MYO15B: variants seen among roughly 807,000 people sequenced by gnomAD.
MYO15B encodes myosin XVB.
Under a neutral mutation model 119.3 loss-of-function variants are expected in MYO15B, and 207 were observed. That is an observed-to-expected ratio of 1.73 (90% confidence interval 1.55 to 1.95). The LOEUF is 1.95. Among genes scored for constraint, MYO15B ranks in the 30% most tolerant of loss-of-function variants. MYO15B has a pLI of 0.00. For missense variants in MYO15B, 2,264 were observed against 1,203.1 expected, an observed-to-expected ratio of 1.88 and a Z score of -13.04; for synonymous variants, 966 against 498.9, an observed-to-expected ratio of 1.94 and a Z score of -12.48.
intron 14 of MYO15B, 121 bp from the exon 15 acceptor site, chr17:75,601,315 GGA>G: frequency 1.7e-6 from 1 of 590,988 alleles, no homozygotes; most frequent in South Asian, 2.0e-5. Flanking sequence ...CTTGTTTTGG[GGA>G]ACAAAGCCAA....
At position 75,607,465 on chromosome 17, in the gene MYO15B, A is replaced by T. The variant is rs886825495; in HGVS notation, c.4292+1444A>T. Among the ~76,000 whole-genome samples, 12 of 115,428 alleles carry T rather than the reference A, an allele frequency of 1.0e-4. 1 individual carries two copies. Among genetic ancestry groups the T allele is most frequent in the African/African-American group, 3.7e-4 (12 of 32,264 alleles). 75.7% of individuals were successfully genotyped at this position (115,428 alleles called of 152,430 possible). ...TATTATTATTATTATTATTATTATT[A>T]TTTGAGATGGAGTCTTGCTCTGTTG... On this transcript the variant is annotated intron_variant, in intron 21 of 63. Coordinates refer to ENST00000645453, the Ensembl canonical transcript of MYO15B.
exon 8 of MYO15B, chr17:75,592,441 G>A (rs937736882): frequency 1.5e-5 from 9 of 617,846 alleles, no homozygotes; most frequent in South Asian, 5.7e-5. Context: ...CAGGCTGAGC[G>A]GAGCTTCCAT....
intron 53 of MYO15B, 114 bp from the exon 54 acceptor site, chr17:75,623,667 G>A (rs2058834713): frequency 1.5e-6 from 1 of 655,130 alleles, no homozygotes; most frequent in African/African-American, 1.8e-5. Flanking sequence ...CTTAAGCTGA[G>A]AGAGACATCT....
intron 9 of MYO15B, among the ~76,000 whole-genome samples, chr17:75,593,221 G>A (rs1266422232): frequency 2.0e-5 from 2 of 98,222 alleles, no homozygotes; most frequent in Admixed American, 2.3e-4. Context: ...AAAAAAAAAA[G>A]GGTTGGCGGT....
chr17:75,606,630 C>T (rs895118056), intron 21 of MYO15B, among the ~76,000 whole-genome samples: 6 of 152,056 alleles, frequency 3.9e-5, no homozygotes, highest in South Asian at 2.1e-4. Flanking sequence ...TATGCCACCA[C>T]GCCTGGCTAA....
rs1008424715 is a variant in MYO15B, at chr17:75,603,081, A to G, written c.3891+4A>G. 25 of 703,070 alleles carry G rather than the reference A, an allele frequency of 3.6e-5. No individual in the cohort carries two copies. Among genetic ancestry groups the G allele is most frequent in the Non-Finnish European group, 5.7e-5 (22 of 385,028 alleles). The allele number at this position is 703,070 out of a possible 1,614,324, so 43.6% of individuals were successfully genotyped here. A position where few individuals can be genotyped will look rare whatever the true frequency, so the allele number is the denominator to read the frequency against. On this transcript the variant is annotated splice_donor_region_variant and intron_variant, in intron 18 of 63. Transcript: ENST00000645453. ...CCTCACCCCTAACCCTGGAAAGGTG[A>G]GCTCCCCAGCAACTGGCCTCAGGGC...
chr17:75,607,853 G>A (rs1001380578), intron 21 of MYO15B, among the ~76,000 whole-genome samples: 3 of 152,172 alleles, frequency 2.0e-5, no homozygotes, highest in African/African-American at 4.8e-5. Context: ...TTAACTTTCT[G>A]AGGAGCTGCC....
intron 49 of MYO15B, 90 bp from the exon 50 acceptor site, chr17:75,620,941 G>T: frequency 1.4e-6 from 1 of 702,608 alleles, no homozygotes; most frequent in South Asian, 1.5e-5. Context: ...TGCTCCTTTG[G>T]TGTCTGGCTG....
intron 18 of MYO15B, 50 bp from the exon 19 acceptor site, chr17:75,603,138 C>T (rs1262625648): frequency 8.5e-6 from 6 of 703,032 alleles, no homozygotes; most frequent in Non-Finnish European, 1.6e-5. Context: ...CTCCCCACAG[C>T]TCTAGGCCCC....
At chr17:75,597,549 A>G (rs2056946844) in intron 14 of MYO15B, among the ~76,000 whole-genome samples, 1 of 152,232 alleles carries the variant, frequency 6.6e-6, no homozygotes, top group Non-Finnish European at 1.5e-5. Context: ...AACTGTGCTA[A>G]GGATAAAAGG....
chr17:75,617,998 T>G, intron 42 of MYO15B, 76 bp downstream of exon 42: 3 of 691,786 alleles, frequency 4.3e-6, no homozygotes, highest in Non-Finnish European at 8.0e-6. Flanking sequence ...CATCCCAGCC[T>G]GGGACCCCAG....
At chr17:75,608,652 G>T (rs1225723875) in intron 21 of MYO15B, among the ~76,000 whole-genome samples, 1 of 152,034 alleles carries the variant, frequency 6.6e-6, no homozygotes, top group Non-Finnish European at 1.5e-5. Context: ...TCCAGCTACT[G>T]GTTTCAAGTG....
intron 21 of MYO15B, chr17:75,607,187 C>T (rs1003915298): frequency 4.2e-5 from 16 of 380,026 alleles, no homozygotes; most frequent in African/African-American, 2.7e-4. Flanking sequence ...GTTTTCATCC[C>T]GCAAACAGAA....
At chr17:75,596,891 C>T (rs1020046278) in exon 14 of MYO15B, 2 of 700,868 alleles carry the variant, frequency 2.9e-6, no homozygotes, top group Non-Finnish European at 5.2e-6. Context: ...CCAGACATGG[C>T]TGTCCCAGGT....
At chr17:75,603,274 C>T in exon 19 of MYO15B, 1 of 703,132 alleles carries the variant, frequency 1.4e-6, no homozygotes, top group Non-Finnish European at 2.6e-6. Context: ...GCAGTGCCAA[C>T]TTCCCCGTGC....
intron 19 of MYO15B, among the ~76,000 whole-genome samples, chr17:75,604,134 T>A (rs11655992): frequency 4.3e-4 from 65 of 152,160 alleles, no homozygotes; most frequent in African/African-American, 1.4e-3. Context: ...AGTCAGATCC[T>A]GAGAAGCTCC....
intron 21 of MYO15B, among the ~76,000 whole-genome samples, chr17:75,607,302 T>C (rs1395443524): frequency 3.3e-5 from 5 of 152,142 alleles, no homozygotes; most frequent in Non-Finnish European, 7.3e-5. Context: ...AGATACTTCC[T>C]GTAAGTTGAC....
In MYO15B at chr17:75,591,803, C is replaced by T; in HGVS notation, c.2547+91C>T. 7.2e-6 allele frequency: 5 copies of T among 691,502 alleles called. No individual in the cohort carries two copies. The South Asian group carries it at 7.5e-5, about 10-fold the overall frequency. The allele number at this position is 691,502 out of a possible 1,614,324, so 42.8% of individuals were successfully genotyped here. A position where few individuals can be genotyped will look rare whatever the true frequency, so the allele number is the denominator to read the frequency against. On this transcript the variant is annotated intron_variant, in intron 5 of 63. Coordinates refer to ENST00000645453, the Ensembl canonical transcript of MYO15B. ...TGACCATGTCCAAGGGACTATCTTT[C>T]TCCTTTCAGCCAGGAGAGGGGTGGT...
chr17:75,623,803 G>A (rs576448106), exon 54 of MYO15B: 26 of 703,106 alleles, frequency 3.7e-5, no homozygotes, highest in South Asian at 3.6e-4. Flanking sequence ...GAGAAGCTGA[G>A]GGATGAGATT....
Sources: allele counts gnomAD v4.1 joint callset (sites outside exome capture counted in the v4.1 genomes callset), GRCh38; gene constraint gnomAD v4.1.1; transcripts MANE v1.5; gene names NCBI Gene and HGNC (gene_info 2026-07-23, HGNC 2026-07-21).